Variants in RAPGEF1 observed in about 807,000 individuals in gnomAD.
The protein encoded by RAPGEF1 is CRK SH3-binding GNRP.
In RAPGEF1, 33 loss-of-function variants were observed where a neutral mutation model predicts 143.3. The ratio of observed to expected loss-of-function variants is 0.23; its 90% CI spans 0.17 to 0.31. The LOEUF (loss-of-function observed/expected upper bound fraction) is 0.31. Among genes scored for constraint, RAPGEF1 ranks in the 10% least tolerant of loss-of-function variants. The pLI, the probability that RAPGEF1 is intolerant of heterozygous loss-of-function variation, is 1.00. For synonymous variants in RAPGEF1, 629 were observed against 676.5 expected (o/e 0.93, Z 1.09); for missense variants, 1,199 against 1,645.4 (o/e 0.73, Z 4.69).
In RAPGEF1 at chr9:131,579,438, C is replaced by T. The variant is rs919612061; in HGVS notation, c.*59G>A. On this transcript the variant is annotated 3_prime_UTR_variant, in exon 27 of 27. Coordinates refer to ENST00000683357, the MANE Select transcript of RAPGEF1 (RefSeq NM_001377935.1). ...CGCCTAACAGGTCCAAGGTCCTCTC[C>T]GGTCTGGGAGCTGCCCTCTGCGCCC... is the stretch of plus-strand genomic sequence containing the variant. 7.6e-6 allele frequency: 12 copies of T among 1,584,466 alleles called. No individual in the cohort carries two copies. The highest frequency in any genetic ancestry group is 1.7e-4 in the Middle Eastern group (1 of 5,866).
intron 12 of RAPGEF1, among the ~76,000 whole-genome samples, chr9:131,610,654 T>C (rs542286452): frequency 6.6e-6 from 1 of 152,368 alleles, no homozygotes; most frequent in African/African-American, 2.4e-5. Context: ...TAGTGTGGTC[T>C]GGGCTTCCTT....
At chr9:131,620,582 C>T (rs2282009) in intron 11 of RAPGEF1, among the ~76,000 whole-genome samples, 121,987 of 152,118 alleles carry the variant, frequency 0.8, 49,107 homozygotes, top group Non-Finnish European at 0.83. Flanking sequence ...ATGGCACGTG[C>T]GACACGGCTA....
chr9:131,655,486 T>C lies in RAPGEF1; in HGVS notation c.62-4537A>G, dbSNP rs1972206129. 6.6e-6 allele frequency among the ~76,000 whole-genome samples: 1 copy of C among 152,252 alleles called. No individual in the cohort carries two copies. The highest frequency in any genetic ancestry group is 1.5e-5 in the Non-Finnish European group (1 of 68,044). ...TTCTCCCGCTCCCCTCTGTCCTGCC[T>C]CTTCTCTCTCTTCACCCAAGCAGGG... On this transcript the variant is annotated intron_variant, in intron 1 of 26. Coordinates refer to ENST00000683357, the MANE Select transcript of RAPGEF1 (RefSeq NM_001377935.1). The surrounding 1 kb of genome is among the most constrained non-coding windows in gnomAD (Gnocchi z 4.1).
chr9:131,584,401 C>T lies in RAPGEF1; in HGVS notation c.3324G>A (p.Lys1108=), dbSNP rs1279705988. Residue 1108 remains lysine (K), a synonymous_variant, in exon 24 of 27, where the codon AAG becomes AAA. Transcript: ENST00000683357. The surrounding 1 kb of genome is among the most constrained non-coding windows in gnomAD (Gnocchi z 6.8). ...KFIKIMKHLR[K]LNNFNSYLAI... is the part of the protein sequence containing the mutation. ...CCAAGTAGGAGTTGAAGTTATTCAG[C>T]TTCCGCAAGTGCTGCCGAGAGAGGG... 2 of 1,613,826 alleles carry T rather than the reference C, an allele frequency of 1.2e-6. No individual in the cohort carries two copies. Among genetic ancestry groups the T allele is most frequent in the South Asian group, 1.1e-5 (1 of 91,084 alleles).
In RAPGEF1 at chr9:131,600,961, C is replaced by T. The variant is rs553707012; in HGVS notation, c.2501+1100G>A. 1.5e-4 allele frequency among the ~76,000 whole-genome samples: 23 copies of T among 152,150 alleles called. No individual in the cohort carries two copies. In the South Asian group the frequency reaches 3.1e-3, roughly 21 times the overall value. On this transcript the variant is annotated intron_variant, in intron 15 of 26. Transcript: ENST00000683357. ...ATGAGGTCGGGAGATTGAGACCATC[C>T]TGGCTAACATGGTGAAACCCCGTCT... is the stretch of plus-strand genomic sequence containing the variant.
In RAPGEF1 at chr9:131,579,453, C is replaced by T. The variant is rs772596490; in HGVS notation, c.*44G>A. 1.0e-5 allele frequency: 16 copies of T among 1,604,534 alleles called. No individual in the cohort carries two copies. Among genetic ancestry groups the T allele is most frequent in the Non-Finnish European group, 1.2e-5 (14 of 1,174,442 alleles). ...AGGTCCTCTCCGGTCTGGGAGCTGC[C>T]CTCTGCGCCCCTCGAGCATTCTCCT... On this transcript the variant is annotated 3_prime_UTR_variant, in exon 27 of 27. Transcript: ENST00000683357.
chr9:131,628,662 C>T lies in RAPGEF1; in HGVS notation c.904G>A (p.Ala302Thr), dbSNP rs780229591. ...GACTGTCTTTTCTTGGGTGGCAATG[C>T]TGGTGGAGGACTGAAACAGACCGAA... ...IRVVDNSPPP[A>T]LPPKKRQSAP... The change falls in exon 8 of 27, where the codon GCA (alanine) becomes ACA (threonine). Residue 302 changes from alanine to threonine, a missense_variant. Around this residue, in one of 6 missense-constraint regions of RAPGEF1, gnomAD observed 613 missense variants for 710.9 expected, o/e 0.86. Transcript: ENST00000683357. The surrounding 1 kb of genome is among the most constrained non-coding windows in gnomAD (Gnocchi z 5.7). 3.1e-6 allele frequency: 5 copies of T among 1,604,954 alleles called. No individual in the cohort carries two copies. In the South Asian group the frequency reaches 3.3e-5, roughly 11 times the overall value.
At chr9:131,713,835 A>C (rs1383103318) in intron 1 of RAPGEF1, among the ~76,000 whole-genome samples, 1 of 152,178 alleles carries the variant, frequency 6.6e-6, no homozygotes. Flanking sequence ...GTTGGTACAC[A>C]GCAGATACTC....
intron 1 of RAPGEF1, among the ~76,000 whole-genome samples, chr9:131,657,305 T>TG (rs1199110798): frequency 6.6e-6 from 1 of 152,172 alleles, no homozygotes; most frequent in Admixed American, 6.5e-5. Context: ...GTCAATCATC[T>TG]GGGATGGAGG....
Position 131,584,184 on chromosome 9 carries a change from TGGCAGAGCAGG to T in RAPGEF1, c.3414+116_3414+126del. 2.4e-6 allele frequency: 2 copies of T among 832,470 alleles called. No homozygotes were observed. The highest frequency in any genetic ancestry group is 3.8e-6 in the Non-Finnish European group (2 of 527,674). 51.6% of individuals were successfully genotyped at this position (832,470 alleles called of 1,614,324 possible). On this transcript the variant is annotated intron_variant, in intron 24 of 26. Transcript: ENST00000683357. The surrounding 1 kb of genome is among the most constrained non-coding windows in gnomAD (Gnocchi z 6.8). ...CTGTTCTGGTCACACAGCATGTCGG[TGGCAGAGCAGG>T]GGCCTAGGCCCAGCATTTGCTCCAG...
At chr9:131,679,070 G>GA (rs973042767) in intron 1 of RAPGEF1, among the ~76,000 whole-genome samples, 1 of 151,948 alleles carries the variant, frequency 6.6e-6, no homozygotes, top group Non-Finnish European at 1.5e-5. Flanking sequence ...GACTGGGGGT[G>GA]GGGGGAAATG....
intron 3 of RAPGEF1, among the ~76,000 whole-genome samples, chr9:131,645,707 G>C (rs1356794903): frequency 6.6e-6 from 1 of 152,242 alleles, no homozygotes; most frequent in Non-Finnish European, 1.5e-5. Flanking sequence ...TCCATGCCTT[G>C]GCTTTGCTGA....
intron 26 of RAPGEF1, 92 bp from the exon 27 acceptor site, chr9:131,579,739 T>A: frequency 7.3e-7 from 1 of 1,377,588 alleles, no homozygotes; most frequent in Non-Finnish European, 9.9e-7. Flanking sequence ...GCGGGGACCA[T>A]CCCCACAGCC....
chr9:131,718,963 G>A (rs1279944342), intron 1 of RAPGEF1, among the ~76,000 whole-genome samples: 3 of 152,124 alleles, frequency 2.0e-5, no homozygotes, highest in Non-Finnish European at 2.9e-5. Flanking sequence ...GGAGTACTGC[G>A]TGACTTCAGA....
chr9:131,722,443 C>T (rs566105150), intron 1 of RAPGEF1, among the ~76,000 whole-genome samples: 30 of 152,328 alleles, frequency 2.0e-4, no homozygotes, highest in African/African-American at 7.0e-4. Flanking sequence ...GCTGATGGAT[C>T]CAGGCAGAGC....
chr9:131,646,117 A>AC (rs1969527158), intron 3 of RAPGEF1, among the ~76,000 whole-genome samples: 1 of 152,174 alleles, frequency 6.6e-6, no homozygotes, highest in East Asian at 1.9e-4. Flanking sequence ...ACATGGAGGC[A>AC]CCCACTGTGC....
chr9:131,588,933 C>T lies in RAPGEF1; in HGVS notation c.2921G>A (p.Arg974His), dbSNP rs759745627. ...ILKLLMELVFRLVCNGELSLA... is the reference protein window; with the variant it reads ...ILKLLMELVFHLVCNGELSLA... ...GCTCAGCTCCCCATTGCACACCAGGCGGAAGACCAGTTCCATCAGCAGCTT... is the reference window on the plus strand; with the variant it reads ...GCTCAGCTCCCCATTGCACACCAGGTGGAAGACCAGTTCCATCAGCAGCTT... The change falls in exon 20 of 27, where the codon CGC becomes CAC. Residue 974 changes from arginine to histidine, a missense_variant. Physicochemically the swap from Arg to His is conservative, Grantham distance 29. Around this residue, in one of 6 missense-constraint regions of RAPGEF1, gnomAD observed 209 missense variants for 403.0 expected, o/e 0.52. Transcript: ENST00000683357. The T allele has an allele frequency of 9.3e-6, 15 of 1,613,912 alleles. No individual in the cohort carries two copies. Among genetic ancestry groups the T allele is most frequent in the South Asian group, 2.2e-5 (2 of 91,082 alleles).
chr9:131,706,573 C>A (rs1036764562), intron 1 of RAPGEF1, among the ~76,000 whole-genome samples: 1 of 152,130 alleles, frequency 6.6e-6, no homozygotes, highest in African/African-American at 2.4e-5. Context: ...TCCAGTGTGC[C>A]TGGGAATCTT....
intron 1 of RAPGEF1, among the ~76,000 whole-genome samples, chr9:131,719,721 T>TA (rs1836125951): frequency 6.6e-6 from 1 of 152,092 alleles, no homozygotes; most frequent in Non-Finnish European, 1.5e-5. Context: ...AGGATACTGT[T>TA]ACTGTTCTCA....
Sources: gnomAD v4.1 joint callset for allele counts (sites outside exome capture counted in the v4.1 genomes callset) on GRCh38, gnomAD v4.1.1 for gene constraint, gnomAD v4.1.1 regional missense constraint, Gnocchi (gnomAD v3.1) non-coding constraint, MANE v1.5 for transcripts, NCBI Gene and HGNC (gene_info 2026-07-23, HGNC 2026-07-21) for gene names.